Variants in CC2D2A observed in about 807,000 individuals in gnomAD.
CC2D2A encodes coiled-coil and C2 domain-containing protein 2A.
In CC2D2A, 155 loss-of-function variants were observed where a neutral mutation model predicts 212.9. The ratio of observed to expected loss-of-function variants is 0.73; its 90% confidence interval spans 0.64 to 0.83. CC2D2A has a LOEUF of 0.83. Among genes scored for constraint, CC2D2A ranks in the 40% least tolerant of loss-of-function variants. CC2D2A has a pLI of 0.00. For synonymous variants in CC2D2A, 667 were observed against 686.5 expected (o/e 0.97, Z 0.44); for missense variants, 1,856 against 1,956.2 (o/e 0.95, Z 0.97).
intron 4 of CC2D2A, among the ~76,000 whole-genome samples, chr4:15,495,079 C>G (rs1195103732): frequency 1.3e-5 from 2 of 152,150 alleles, no homozygotes; most frequent in Non-Finnish European, 2.9e-5. Flanking sequence ...CTCCCACCCT[C>G]CACCCTCAAA....
At chr4:15,526,493 G>A (rs1408819785) in intron 11 of CC2D2A, among the ~76,000 whole-genome samples, 1 of 151,990 alleles carries the variant, frequency 6.6e-6, no homozygotes, top group Non-Finnish European at 1.5e-5. Context: ...CATAATTTAG[G>A]GAGAATAAAA....
intron 13 of CC2D2A, among the ~76,000 whole-genome samples, chr4:15,529,449 T>A (rs552655882): frequency 6.6e-6 from 1 of 151,984 alleles, no homozygotes; most frequent in East Asian, 1.9e-4. Context: ...CATCTTGATA[T>A]ACGCTTACAG....
chr4:15,484,697 G>A (rs1714899940), intron 4 of CC2D2A, among the ~76,000 whole-genome samples: 2 of 152,156 alleles, frequency 1.3e-5, no homozygotes, highest in African/African-American at 4.8e-5. Context: ...TTTGACTTGA[G>A]TCAAAAATGG....
intron 1 of CC2D2A, among the ~76,000 whole-genome samples, chr4:15,474,794 C>T (rs941809091): frequency 6.6e-6 from 1 of 151,908 alleles, no homozygotes; most frequent in Non-Finnish European, 1.5e-5. Context: ...AGATGAGGGC[C>T]GAGAACTGAT....
chr4:15,596,308 ATT>A (rs1721319901), intron 34 of CC2D2A, 101 bp downstream of exon 34: 25 of 1,092,456 alleles, frequency 2.3e-5, no homozygotes, highest in South Asian at 5.2e-5. Flanking sequence ...CTAGAACAGT[ATT>A]TGTTTATCAA....
At chr4:15,559,922 C>G (rs1490805437) in intron 22 of CC2D2A, among the ~76,000 whole-genome samples, 3 of 152,118 alleles carry the variant, frequency 2.0e-5, no homozygotes, top group Non-Finnish European at 4.4e-5. Context: ...ACGTCCACCT[C>G]CCGGGCTCAA....
chr4:15,540,264 A>G (rs983697857), intron 16 of CC2D2A, among the ~76,000 whole-genome samples: 1 of 152,072 alleles, frequency 6.6e-6, no homozygotes, highest in African/African-American at 2.4e-5. Flanking sequence ...TATGTACAAT[A>G]AAATTAAAGA....
chr4:15,506,858 G>C (rs147516639), intron 6 of CC2D2A, among the ~76,000 whole-genome samples: 23,114 of 151,728 alleles, frequency 0.15, 2,091 homozygotes, highest in East Asian at 0.33. Flanking sequence ...CGGATCACGA[G>C]GTCAGGAGTT....
intron 4 of CC2D2A, among the ~76,000 whole-genome samples, chr4:15,486,560 C>G (rs917156459): frequency 2.6e-5 from 4 of 151,898 alleles, no homozygotes; most frequent in African/African-American, 4.8e-5. Flanking sequence ...TTTTCTTAAT[C>G]TGGCTAAAGT....
chr4:15,596,047 T>A, intron 33 of CC2D2A, 38 bp from the exon 34 acceptor site: 1 of 1,493,544 alleles, frequency 6.7e-7, no homozygotes, highest in South Asian at 1.3e-5. Context: ...CATGTATACA[T>A]GCTAACATAT....
intron 20 of CC2D2A, among the ~76,000 whole-genome samples, chr4:15,556,942 G>A (rs1305698562): frequency 1.3e-5 from 2 of 152,144 alleles, no homozygotes; most frequent in Admixed American, 6.5e-5. Context: ...TCATATATTC[G>A]ATTTTATATA....
At chr4:15,511,163 C>T in intron 7 of CC2D2A, 84 bp from the exon 8 acceptor site, 2 of 1,418,238 alleles carry the variant, frequency 1.4e-6, no homozygotes, top group Non-Finnish European at 1.9e-6. Context: ...ATCTCATTAG[C>T]ATTAAGCCAG....
chr4:15,557,131 TAGCTACTA>T (rs1199396511), intron 20 of CC2D2A, among the ~76,000 whole-genome samples, 165 bp from the exon 21 acceptor site: 3 of 152,234 alleles, frequency 2.0e-5, no homozygotes, highest in African/African-American at 7.2e-5. Flanking sequence ...GTATTGTTTA[TAGCTACTA>T]AATGAATATA....
chr4:15,599,385 G>T, intron 35 of CC2D2A, 144 bp from the exon 36 acceptor site: 1 of 561,592 alleles, frequency 1.8e-6, no homozygotes. Context: ...CCCATTATTA[G>T]ACATTAACTA....
intron 29 of CC2D2A, among the ~76,000 whole-genome samples, chr4:15,577,219 C>G (rs1720453070): frequency 6.6e-6 from 1 of 152,172 alleles, no homozygotes; most frequent in Non-Finnish European, 1.5e-5. Context: ...TGCTTTCAAA[C>G]TCCTGGGCTC....
chr4:15,540,603 G>C (rs893065564), intron 16 of CC2D2A, among the ~76,000 whole-genome samples: 1 of 152,164 alleles, frequency 6.6e-6, no homozygotes, highest in African/African-American at 2.4e-5. Context: ...GCACAACAAT[G>C]AATGGACTCT....
chr4:15,552,669 A>C (rs1719066157), intron 18 of CC2D2A, among the ~76,000 whole-genome samples: 1 of 152,202 alleles, frequency 6.6e-6, no homozygotes, highest in South Asian at 2.1e-4. Flanking sequence ...TGAGATCAGA[A>C]GTTCTTTTCT....
chr4:15,470,880 C>T (rs148894048), intron 1 of CC2D2A, among the ~76,000 whole-genome samples: 24 of 151,976 alleles, frequency 1.6e-4, no homozygotes, highest in Non-Finnish European at 2.9e-4. Context: ...GACCTATAAA[C>T]ACATGATAAG....
chr4:15,471,229 C>T (rs1328873810), intron 1 of CC2D2A, among the ~76,000 whole-genome samples: 1 of 152,104 alleles, frequency 6.6e-6, no homozygotes, highest in South Asian at 2.1e-4. Context: ...AAAATGTTCT[C>T]AGGGTGTGAG....
Sources: gnomAD v4.1 joint callset for allele counts (sites outside exome capture counted in the v4.1 genomes callset) on GRCh38, gnomAD v4.1.1 for gene constraint, MANE v1.5 for transcripts, NCBI Gene and HGNC (gene_info 2026-07-23, HGNC 2026-07-21) for gene names.